HEATR5B: variants seen among roughly 807,000 people sequenced by gnomAD.
HEATR5B encodes the protein HEAT repeat-containing protein 5B.
A neutral mutation model predicts 224.1 loss-of-function variants in HEATR5B; 156 were observed. The observed-to-expected ratio is 0.70, with a 90% CI of 0.61 to 0.80. The LOEUF (loss-of-function observed/expected upper bound fraction) is 0.80. Among genes scored for constraint, HEATR5B ranks in the 30% least tolerant of loss-of-function variants. HEATR5B has a pLI of 0.00. For missense variants in HEATR5B, 2,323 were observed against 2,535.5 expected, an observed-to-expected ratio of 0.92 and a Z score of 1.80; for synonymous variants, 1,027 against 893.0, an observed-to-expected ratio of 1.15 and a Z score of -2.68.
intron 24 of HEATR5B, among the ~76,000 whole-genome samples, chr2:37,026,226 T>C (rs1668763583): frequency 6.6e-6 from 1 of 152,084 alleles, no homozygotes; most frequent in African/African-American, 2.4e-5. Flanking sequence ...GGGCAGCATA[T>C]ACAAGCTGGA....
At chr2:37,005,576 T>C in intron 30 of HEATR5B, 56 bp downstream of exon 30, 1 of 1,533,616 alleles carries the variant, frequency 6.5e-7, no homozygotes, top group South Asian at 1.2e-5. Flanking sequence ...TTTTCCATTG[T>C]AAAGCAATAC....
chr2:36,999,513 A>C (rs1666947922), intron 33 of HEATR5B, among the ~76,000 whole-genome samples: 2 of 151,810 alleles, frequency 1.3e-5, no homozygotes, highest in South Asian at 2.1e-4. Context: ...CCCCGTCTCT[A>C]CCAAAAAATA....
In HEATR5B at chr2:37,049,223, A is replaced by C. The variant is rs77487759; in HGVS notation, c.2696+430T>G. ...ACCTGATGCTTAACTATTCTGTTTC[A>C]GTCATAATTTAAGAGATAAACTTGG... is the stretch of plus-strand genomic sequence containing the variant. On this transcript the variant is annotated intron_variant, in intron 18 of 35. Transcript: ENST00000233099. Among the ~76,000 whole-genome samples, 937 of 152,336 alleles carry C rather than the reference A, an allele frequency of 6.2e-3. 10 individuals are homozygous for C. Among genetic ancestry groups the C allele is most frequent in the African/African-American group, 0.022 (896 of 41,582 alleles).
chr2:36,990,611 A>G (rs774173614), intron 34 of HEATR5B, 37 bp downstream of exon 34: 2 of 1,477,076 alleles, frequency 1.4e-6, no homozygotes, highest in Admixed American at 2.4e-5. Flanking sequence ...GATAAAGGGA[A>G]ATGTTTTTAT....
chr2:36,984,215 AATAT>A (rs60636196), intron 35 of HEATR5B, among the ~76,000 whole-genome samples: 780 of 76,634 alleles, frequency 0.01, 8 homozygotes, highest in Middle Eastern at 0.036. Context: ...AAAAAAAAAA[AATAT>A]ATATATATAT....
At chr2:37,016,470 C>A (rs923734805) in intron 26 of HEATR5B, among the ~76,000 whole-genome samples, 2 of 152,140 alleles carry the variant, frequency 1.3e-5, no homozygotes, top group Non-Finnish European at 2.9e-5. Context: ...GAGTTCACAA[C>A]TTTTGGGTAA....
At chr2:37,042,122 TCA>T (rs1669910414) in intron 18 of HEATR5B, among the ~76,000 whole-genome samples, 1 of 152,124 alleles carries the variant, frequency 6.6e-6, no homozygotes, top group African/African-American at 2.4e-5. Flanking sequence ...TTATTGAGAC[TCA>T]CATACAATAT....
At chr2:37,016,956 C>T (rs894996852) in intron 26 of HEATR5B, among the ~76,000 whole-genome samples, 1 of 151,838 alleles carries the variant, frequency 6.6e-6, no homozygotes, top group Non-Finnish European at 1.5e-5. Context: ...TAAATATGAA[C>T]ATGAAAAGAA....
At chr2:37,058,653 C>A (rs1422408215) in intron 13 of HEATR5B, 93 bp from the exon 14 acceptor site, 10 of 835,542 alleles carry the variant, frequency 1.2e-5, no homozygotes, top group Non-Finnish European at 2.0e-5. Context: ...TGCCAAACTA[C>A]ACTGATAAGT....
chr2:37,007,121 T>C lies in HEATR5B; in HGVS notation c.4706A>G (p.Gln1569Arg). 6.2e-7 allele frequency: 1 copy of C among 1,614,170 alleles called. No individual in the cohort carries two copies. ...QKRSTSVNLNQASGAVGSAKS... is the reference protein window; with the variant it reads ...QKRSTSVNLNRASGAVGSAKS... ...AGCACTACCCACTGCTCCTGATGCC[T>C]GGTTTAAATTGACAGATGTAGAACG... The change falls in exon 29 of 36, where the codon CAG becomes CGG. Residue 1569 changes from glutamine (Q) to arginine (R), a missense_variant. Physicochemically the swap from Gln to Arg is conservative, Grantham distance 43 (BLOSUM62 1). This residue lies in a region of HEATR5B where 844 missense variants were observed against 812.9 expected (regional missense o/e 1.04). Transcript: ENST00000233099.
Position 36,990,788 on chromosome 2 carries a change from G to A in HEATR5B, c.5557C>T (p.Pro1853Ser). Residue 1853 changes from proline (P) to serine (S), a missense_variant, in exon 34 of 36, where the codon CCT becomes TCT. This residue lies in a region of HEATR5B where 844 missense variants were observed against 812.9 expected (regional missense o/e 1.04). Coordinates refer to ENST00000233099, the MANE Select transcript of HEATR5B (RefSeq NM_019024.3). ...AGCATGCTTACTTCATCAGGTGTAG[G>A]TACAGAGTCTTCTGAAAATGAAAAA... The part of the protein sequence containing the change: ...LEYSQPEDSV[P>S]TPDEVSMLTA... The A allele has an allele frequency of 6.4e-7, 1 of 1,559,694 alleles. No homozygotes were observed.
intron 10 of HEATR5B, 62 bp from the exon 11 acceptor site, chr2:37,062,112 A>T: frequency 1.0e-6 from 1 of 973,686 alleles, no homozygotes. Context: ...AAGGAAACAG[A>T]TAACTAGCAT....
At chr2:37,015,605 TGAATG>T (rs1668061166) in intron 26 of HEATR5B, among the ~76,000 whole-genome samples, 1 of 152,150 alleles carries the variant, frequency 6.6e-6, no homozygotes, top group Admixed American at 6.5e-5. Context: ...GCTTCTGACT[TGAATG>T]GAAGGAAGGT....
At chr2:37,083,876 G>A (rs1672792815) in intron 1 of HEATR5B, among the ~76,000 whole-genome samples, 2 of 152,196 alleles carry the variant, frequency 1.3e-5, no homozygotes, top group Admixed American at 6.5e-5. Flanking sequence ...AGGGACTGAG[G>A]TCAAAACACC....
At position 37,026,691 on chromosome 2, in the gene HEATR5B, A is replaced by G. The variant is rs140201487; in HGVS notation, c.3853+1232T>C. On this transcript the variant is annotated intron_variant, in intron 24 of 35. Coordinates refer to ENST00000233099, the MANE Select transcript of HEATR5B (RefSeq NM_019024.3). ...TATACCAAAAAACAGGATGCAGTAA[A>G]TATCTGCTGAATAATTACATGAACA... Among the ~76,000 whole-genome samples the G allele has an allele frequency of 1.7e-4, 26 of 152,298 alleles. No homozygotes were observed. In the East Asian group the frequency reaches 2.1e-3, roughly 12 times the overall value.
intron 21 of HEATR5B, among the ~76,000 whole-genome samples, chr2:37,036,788 A>T (rs1361018054): frequency 6.6e-6 from 1 of 152,156 alleles, no homozygotes; most frequent in African/African-American, 2.4e-5. Flanking sequence ...CTGGGATTAC[A>T]GGCATGACCC....
chr2:37,043,243 T>C (rs906063121), intron 18 of HEATR5B, among the ~76,000 whole-genome samples: 2 of 152,208 alleles, frequency 1.3e-5, no homozygotes, highest in African/African-American at 2.4e-5. Flanking sequence ...AGATGGAACA[T>C]GGCTTTAACA....
chr2:37,037,981 C>T lies in HEATR5B; in HGVS notation c.3090G>A (p.Val1030=). 1 of 1,591,652 alleles carries T rather than the reference C, an allele frequency of 6.3e-7. No homozygotes were observed. Among genetic ancestry groups the T allele is most frequent in the Non-Finnish European group, 8.6e-7 (1 of 1,166,518 alleles). ...TTSTIRSSCL[V]GCAITQDHSD... is the part of the protein sequence containing the mutation. Reference sequence around the variant, plus strand: ...AATGGTCTTGTGTTATTGCACAACCCACCAAACAAGAGGAACGAATTGTAG... The same window carrying T: ...AATGGTCTTGTGTTATTGCACAACCTACCAAACAAGAGGAACGAATTGTAG... Residue 1030 remains valine, a synonymous_variant, in exon 21 of 36, where the codon GTG becomes GTA. Coordinates refer to ENST00000233099, the MANE Select transcript of HEATR5B (RefSeq NM_019024.3).
At chr2:37,072,308 A>C (rs909705898) in intron 5 of HEATR5B, 27 bp from the exon 6 acceptor site, 2 of 1,455,256 alleles carry the variant, frequency 1.4e-6, no homozygotes, top group African/African-American at 1.4e-5. Context: ...AAAAGTAAAT[A>C]ACATCCTATA....
Sources: allele counts gnomAD v4.1 joint callset (sites outside exome capture counted in the v4.1 genomes callset), GRCh38; gene constraint gnomAD v4.1.1; regional missense constraint gnomAD v4.1.1; transcripts MANE v1.5; gene names NCBI Gene and HGNC (gene_info 2026-07-23, HGNC 2026-07-21).